DOCK4: variants seen among roughly 807,000 people sequenced by gnomAD.
DOCK4 encodes the protein dedicator of cytokinesis protein 4.
Under a neutral mutation model 268.1 loss-of-function variants are expected in DOCK4, and 97 were observed. The ratio of observed to expected loss-of-function variants is 0.36; its 90% CI spans 0.31 to 0.43. DOCK4 has a LOEUF of 0.43. Among genes scored for constraint, DOCK4 ranks in the 20% least tolerant of loss-of-function variants. DOCK4 has a pLI of 1.00. For missense variants in DOCK4, 2,145 were observed against 2,455.7 expected (o/e 0.87, Z 2.67); for synonymous variants, 954 against 887.2 (o/e 1.08, Z -1.34).
chr7:111,809,697 C>T (rs116822174), intron 28 of DOCK4, among the ~76,000 whole-genome samples: 123 of 152,278 alleles, frequency 8.1e-4, no homozygotes, highest in African/African-American at 2.8e-3. Flanking sequence ...GTTTCACGAG[C>T]TTTTTGGTAT....
chr7:112,109,479 C>T (rs1180896571), intron 1 of DOCK4, among the ~76,000 whole-genome samples: 1 of 152,156 alleles, frequency 6.6e-6, no homozygotes, highest in African/African-American at 2.4e-5. Flanking sequence ...CTCTATAAAG[C>T]AGGCAATCTA....
intron 13 of DOCK4, among the ~76,000 whole-genome samples, chr7:111,906,933 G>A (rs1391591006): frequency 6.6e-6 from 1 of 152,172 alleles, no homozygotes; most frequent in Admixed American, 6.5e-5. Flanking sequence ...CTCCAGAACT[G>A]TAACACGGTA....
At chr7:111,989,716 G>C (rs1799369233) in intron 5 of DOCK4, among the ~76,000 whole-genome samples, 1 of 152,154 alleles carries the variant, frequency 6.6e-6, no homozygotes, top group Admixed American at 6.5e-5. Flanking sequence ...CTTTTAAAAA[G>C]GTAATGCTTT....
intron 39 of DOCK4, among the ~76,000 whole-genome samples, chr7:111,761,391 G>A (rs187548191): frequency 4.2e-4 from 64 of 152,164 alleles, no homozygotes; most frequent in South Asian, 6.2e-4. Flanking sequence ...CTTTGTCCAC[G>A]TGTACTAGAT....
At chr7:111,840,394 A>G (rs1022310305) in intron 25 of DOCK4, among the ~76,000 whole-genome samples, 10 of 152,218 alleles carry the variant, frequency 6.6e-5, no homozygotes, top group Non-Finnish European at 1.3e-4. Flanking sequence ...ACGAGTAAGC[A>G]TTTATAAATT....
Position 111,727,261 on chromosome 7 carries a change from C to T in DOCK4, c.*1013G>A, listed in dbSNP as rs757210815. 6 of 152,582 alleles carry T rather than the reference C, an allele frequency of 3.9e-5. No individual in the cohort carries two copies. Among genetic ancestry groups the T allele is most frequent in the African/African-American group, 9.7e-5 (4 of 41,410 alleles). 9.5% of individuals were successfully genotyped at this position (152,582 alleles called of 1,614,324 possible). On this transcript the variant is annotated 3_prime_UTR_variant, in exon 53 of 53. Transcript: ENST00000428084. The stretch of plus-strand genomic sequence containing the variant: ...AACTCCACTGGTAAAAGTGGAGAGT[C>T]GTGAGGAATTTTTTATTTTGTGCAG...
intron 23 of DOCK4, among the ~76,000 whole-genome samples, chr7:111,851,110 G>T (rs1393193506): frequency 6.6e-6 from 1 of 152,052 alleles, no homozygotes; most frequent in South Asian, 2.1e-4. Context: ...ATTTAACTTG[G>T]TATAGATCAT....
chr7:111,728,791 C>A, intron 52 of DOCK4, 71 bp from the exon 53 acceptor site: 1 of 1,427,920 alleles, frequency 7.0e-7, no homozygotes, highest in South Asian at 1.4e-5. Flanking sequence ...CTGAAATGTA[C>A]GCCCCGACGC....
intron 8 of DOCK4, among the ~76,000 whole-genome samples, chr7:111,969,120 T>G: frequency 8.1e-6 from 1 of 123,544 alleles, no homozygotes; most frequent in Non-Finnish European, 1.7e-5. Flanking sequence ...AGATGACACA[T>G]TAGTGGGTGC....
chr7:112,146,599 G>C (rs1351600668), intron 1 of DOCK4, among the ~76,000 whole-genome samples: 1 of 152,116 alleles, frequency 6.6e-6, no homozygotes, highest in East Asian at 1.9e-4. Context: ...GGGTGTGGTG[G>C]CGTGCACCTA....
chr7:111,900,547 G>C lies in DOCK4; in HGVS notation c.1318-11C>G. 6.2e-7 allele frequency: 1 copy of C among 1,607,180 alleles called. No homozygotes were observed. Among genetic ancestry groups the C allele is most frequent in the Non-Finnish European group, 8.5e-7 (1 of 1,176,974 alleles). The stretch of plus-strand genomic sequence containing the variant: ...GAAGGAGATAAAATCCTAACAAAGG[G>C]AAGAACACACAGGTTAAAGAGAGCT... On this transcript the variant is annotated splice_polypyrimidine_tract_variant and intron_variant, in intron 14 of 52. Coordinates refer to ENST00000428084, the MANE Select transcript of DOCK4 (RefSeq NM_001363540.2).
chr7:111,748,493 G>T (rs1410547330), intron 42 of DOCK4, among the ~76,000 whole-genome samples: 4 of 152,066 alleles, frequency 2.6e-5, no homozygotes, highest in African/African-American at 9.7e-5. Flanking sequence ...CATTCAAATG[G>T]CCAGTAAACA....
chr7:111,971,193 T>G (rs1289054325), intron 8 of DOCK4: 1 of 153,194 alleles, frequency 6.5e-6, no homozygotes, highest in East Asian at 1.9e-4. Flanking sequence ...TATTTTTATG[T>G]ACAAAAAAAC....
In DOCK4 at chr7:112,036,656, C is replaced by CTT. The variant is rs57264652; in HGVS notation, c.38-32527_38-32526dup. Among the ~76,000 whole-genome samples the CTT allele has an allele frequency of 1.0e-3, 106 of 106,212 alleles. 3 individuals are homozygous for CTT. The highest frequency in any genetic ancestry group is 3.3e-3 in the African/African-American group (91 of 27,930). The allele number at this position is 106,212 out of a possible 152,430, so 69.7% of individuals were successfully genotyped here. On this transcript the variant is annotated intron_variant, in intron 1 of 52. Transcript: ENST00000428084. ...AACTTACAGTGGTCTTAGAGGATTT[C>CTT]TTTTTTTTTTTTTTTTTTTCCGGAG...
chr7:111,908,321 G>A (rs546808442), intron 13 of DOCK4, among the ~76,000 whole-genome samples: 38 of 151,704 alleles, frequency 2.5e-4, no homozygotes, highest in East Asian at 9.8e-4. Context: ...GGTGGCGGGC[G>A]CCTGTAGTCC....
Position 111,769,509 on chromosome 7 carries a change from G to A in DOCK4, c.3828+20C>T, listed in dbSNP as rs748771601. On this transcript the variant is annotated intron_variant, in intron 37 of 52. Coordinates refer to ENST00000428084, the MANE Select transcript of DOCK4 (RefSeq NM_001363540.2). ...CACCATCACCCCAGGAGGGACCCCG[G>A]GCGGGGCAGGGCCACTTACTTTGCC... is the stretch of plus-strand genomic sequence containing the variant. 1.2e-5 allele frequency: 20 copies of A among 1,612,764 alleles called. No homozygotes were observed. The South Asian group carries it at 1.9e-4, about 15-fold the overall frequency.
rs1373441032 is a variant in DOCK4 at position 111,994,209 on chromosome 7, T to C, written c.241A>G (p.Thr81Ala). The C allele has an allele frequency of 1.2e-6, 2 of 1,600,992 alleles. No individual in the cohort carries two copies. The highest frequency in any genetic ancestry group is 2.2e-5 in the East Asian group (1 of 44,724). Reference sequence around the variant, plus strand: ...ATTTCTGTGATAACAGAGTCTTCAGTGGGAATAACCATTTCAAATTGTCTG... The same window carrying C: ...ATTTCTGTGATAACAGAGTCTTCAGCGGGAATAACCATTTCAAATTGTCTG... Reference protein sequence around the residue: ...NKGQFEMVIPTEDSVITEMTS... With the variant: ...NKGQFEMVIPAEDSVITEMTS... Residue 81 changes from threonine to alanine, a missense_variant, in exon 5 of 53, where the codon ACT becomes GCT. Transcript: ENST00000428084.
At chr7:112,066,997 A>C (rs183538315) in intron 1 of DOCK4, among the ~76,000 whole-genome samples, 6,566 of 147,048 alleles carry the variant, frequency 0.045, 398 homozygotes, top group African/African-American at 0.14. Context: ...CACACACACA[A>C]AAAAACCAAA....
intron 1 of DOCK4, among the ~76,000 whole-genome samples, chr7:112,166,520 C>A (rs1817628591): frequency 6.6e-6 from 1 of 152,208 alleles, no homozygotes; most frequent in South Asian, 2.1e-4. Context: ...TTGCCCATAT[C>A]ATGTCACAGG....
Sources: allele counts gnomAD v4.1 joint callset (sites outside exome capture counted in the v4.1 genomes callset), GRCh38; gene constraint gnomAD v4.1.1; transcripts MANE v1.5; gene names NCBI Gene and HGNC (gene_info 2026-07-23, HGNC 2026-07-21).